THOC6: variants seen among roughly 807,000 people sequenced by gnomAD.
THOC6 encodes the protein THO complex subunit 6, also known as THO complex 6.
THOC6 carries 39 observed loss-of-function variants against 55.8 expected under a neutral mutation model. The ratio of observed to expected loss-of-function variants is 0.70; its 90% CI spans 0.54 to 0.91. The LOEUF (loss-of-function observed/expected upper bound fraction) is 0.91, where lower values mean the gene tolerates loss of function less well. Ranked by LOEUF, THOC6 falls within the 40% of genes least tolerant of loss-of-function variation. The pLI is 0.00. For missense variants in THOC6, 482 were observed against 442.0 expected (o/e 1.09, Z -0.81); for synonymous variants, 192 against 175.6 (o/e 1.09, Z -0.74).
rs1394510612 is a variant in THOC6 at position 3,024,194 on chromosome 16, G to A, written c.-133G>A. On this transcript the variant is annotated 5_prime_UTR_variant, in exon 1 of 13. Coordinates refer to ENST00000326266, the MANE Select transcript of THOC6 (RefSeq NM_024339.5). ...CGCGGCGCTCACCTCGGCTCCTAGGGTTCGGGACGGTACGCACCAGCCACC... is the reference window on the plus strand; with the variant it reads ...CGCGGCGCTCACCTCGGCTCCTAGGATTCGGGACGGTACGCACCAGCCACC... 2 of 1,137,424 alleles carry A rather than the reference G, an allele frequency of 1.8e-6. No homozygotes were observed. Among genetic ancestry groups the A allele is most frequent in the East Asian group, 2.5e-5 (1 of 39,600 alleles). The allele number at this position is 1,137,424 out of a possible 1,614,324, so 70.5% of individuals were successfully genotyped here. A position where few individuals can be genotyped will look rare whatever the true frequency, so the allele number is the denominator to read the frequency against.
chr16:3,025,611 G>T (rs1242563250), intron 1 of THOC6, 97 bp from the exon 2 acceptor site: 1 of 1,139,822 alleles, frequency 8.8e-7, no homozygotes, highest in Non-Finnish European at 1.3e-6. Flanking sequence ...AGTCAGGACA[G>T]TGGGAGGCCT....
chr16:3,027,416 G>C lies in THOC6; in HGVS notation c.861G>C (p.Gly287=), dbSNP rs771721050. Residue 287 remains glycine, a synonymous_variant, in exon 12 of 13, where the codon GGG becomes GGC. Transcript: ENST00000326266. ...GCGTCAACCAGTGGCAGCTGAGCGG[G>C]GAGCTGAAGGCCCAGGTGCCTGGCT... The part of the protein sequence containing the change: ...GRCVNQWQLS[G]ELKAQVPGSS... 8.7e-6 allele frequency: 14 copies of C among 1,612,224 alleles called. 1 individual carries two copies. In the South Asian group the frequency reaches 1.1e-4, roughly 13 times the overall value.
Position 3,027,213 on chromosome 16 carries a change from C to A in THOC6, c.743C>A (p.Ser248Tyr). 1 of 1,614,150 alleles carries A rather than the reference C, an allele frequency of 6.2e-7. No individual in the cohort carries two copies. Among genetic ancestry groups the A allele is most frequent in the Non-Finnish European group, 8.5e-7 (1 of 1,180,032 alleles). Residue 248 changes from serine to tyrosine, a missense_variant, in exon 11 of 13, where the codon TCC (serine) becomes TAC (tyrosine). Physicochemically the swap from Ser to Tyr is moderately radical, Grantham distance 144. Coordinates refer to ENST00000326266, the MANE Select transcript of THOC6 (RefSeq NM_024339.5). ...GPALTLWHLR[S>Y]STPTTIFPIR... ...GCCCTCACCCTCTGGCACCTCCGAT[C>A]CTCCACACCCACCACCATCTTCCCC...
chr16:3,027,706 TTTC>T lies in THOC6; in HGVS notation c.*52_*54del, dbSNP rs371473002. 37 of 1,497,534 alleles carry T rather than the reference TTTC, an allele frequency of 2.5e-5. No homozygotes were observed. The highest frequency in any genetic ancestry group is 2.0e-4 in the Admixed American group (8 of 40,840). The allele number at this position is 1,497,534 out of a possible 1,614,324, so 92.8% of individuals were successfully genotyped here. On this transcript the variant is annotated 3_prime_UTR_variant, in exon 13 of 13. Coordinates refer to ENST00000326266, the MANE Select transcript of THOC6 (RefSeq NM_024339.5). ...CTCAGGGTTTTAGAGTGTTTTTCAT[TTTC>T]TTTTTTTTTTTTTTTTTACAATAAA...
rs189651395 is a variant in THOC6 at position 3,025,231 on chromosome 16, T to C, written c.40-477T>C. ...TGCTGGGATTACAGGCGTGAGCCAC[T>C]GCGCCCGGCCCCACATTTTTAAATT... On this transcript the variant is annotated intron_variant, in intron 1 of 12. Transcript: ENST00000326266. Among the ~76,000 whole-genome samples, 521 of 151,944 alleles carry C rather than the reference T, an allele frequency of 3.4e-3. 6 individuals are homozygous for C. Among genetic ancestry groups the C allele is most frequent in the Non-Finnish European group, 4.7e-3 (320 of 67,932 alleles).
In THOC6 at chr16:3,026,603, G is replaced by A; in HGVS notation, c.483+16G>A. ...GACTTTCACGGTGAGCAGGGTCCTGGAGCCCTAGAGCAGGTCTAGGTCAGG... is the reference window on the plus strand; with the variant it reads ...GACTTTCACGGTGAGCAGGGTCCTGAAGCCCTAGAGCAGGTCTAGGTCAGG... On this transcript the variant is annotated intron_variant, in intron 7 of 12. Transcript: ENST00000326266. 2 of 1,613,686 alleles carry A rather than the reference G, an allele frequency of 1.2e-6. No homozygotes were observed. The highest frequency in any genetic ancestry group is 1.7e-6 in the Non-Finnish European group (2 of 1,179,820).
chr16:3,024,230 A>G lies in THOC6; in HGVS notation c.-97A>G. On this transcript the variant is annotated 5_prime_UTR_variant, in exon 1 of 13. Coordinates refer to ENST00000326266, the MANE Select transcript of THOC6 (RefSeq NM_024339.5). ...TACGCACCAGCCACCTTCGCGCCGA[A>G]GGCGGTAGGGCGCCACGGAGAGGAA... The G allele has an allele frequency of 6.6e-7, 1 of 1,516,688 alleles. No individual in the cohort carries two copies. The highest frequency in any genetic ancestry group is 9.1e-7 in the Non-Finnish European group (1 of 1,098,592). The allele number at this position is 1,516,688 out of a possible 1,614,324, so 94.0% of individuals were successfully genotyped here.
At chr16:3,025,686 C>G in intron 1 of THOC6, 22 bp from the exon 2 acceptor site, 1 of 1,606,878 alleles carries the variant, frequency 6.2e-7, no homozygotes, top group Non-Finnish European at 8.5e-7. Context: ...CCAGGCAGGC[C>G]TCATCCAGTC....
chr16:3,025,998 C>G lies in THOC6; in HGVS notation c.220+10C>G, dbSNP rs2245000. 0.59 allele frequency: 959,734 copies of G among 1,613,914 alleles called. 288,820 individuals are homozygous for G. The highest frequency in any genetic ancestry group is 0.75 in the African/African-American group (56,073 of 74,952). ...GTGGTGACTTTCCAAGGTGGGTATA[C>G]CTGTGGAGTCTGGCTTCAGGACTTT... On this transcript the variant is annotated intron_variant, in intron 3 of 12. Transcript: ENST00000326266.
At chr16:3,025,675 C>T (rs1029621903) in intron 1 of THOC6, 33 bp from the exon 2 acceptor site, 3 of 1,595,994 alleles carry the variant, frequency 1.9e-6, no homozygotes, top group African/African-American at 2.7e-5. Flanking sequence ...TTTCATACGT[C>T]CCAGGCAGGC....
Position 3,026,057 on chromosome 16 carries a change from C to T in THOC6, c.221-6C>T. The stretch of plus-strand genomic sequence containing the variant: ...TTGGCTCACTCAGTTCTGCATTTCT[C>T]TTTAGCCCATGATGGGCCCGTCTAT... On this transcript the variant is annotated splice_polypyrimidine_tract_variant and splice_region_variant and intron_variant, in intron 3 of 12. Coordinates refer to ENST00000326266, the MANE Select transcript of THOC6 (RefSeq NM_024339.5). 1.9e-6 allele frequency: 3 copies of T among 1,613,162 alleles called. No homozygotes were observed. The highest frequency in any genetic ancestry group is 2.5e-6 in the Non-Finnish European group (3 of 1,179,212).
At position 3,026,922 on chromosome 16, in the gene THOC6, G is replaced by A. The variant is rs371389733; in HGVS notation, c.636+6G>A. 4 of 1,614,068 alleles carry A rather than the reference G, an allele frequency of 2.5e-6. No homozygotes were observed. The highest frequency in any genetic ancestry group is 1.3e-5 in the African/African-American group (1 of 74,912). On this transcript the variant is annotated splice_donor_region_variant and intron_variant, in intron 9 of 12. Transcript: ENST00000326266. ...TCGAGGTCTATAAGCACGAGGTGAG[G>A]GTGTGACCGTGGCCATTGTCCTCTT... is the stretch of plus-strand genomic sequence containing the variant.
At position 3,024,170 on chromosome 16, in the gene THOC6, GC is replaced by G; in HGVS notation, c.-156del. Reference sequence around the variant, plus strand: ...CCACTTCTTAATGTCGGGGGTCTTCGCGGCGCTCACCTCGGCTCCTAGGGTT... The same window carrying G: ...CCACTTCTTAATGTCGGGGGTCTTCGGGCGCTCACCTCGGCTCCTAGGGTT... On this transcript the variant is annotated 5_prime_UTR_variant, in exon 1 of 13. An upstream open reading frame in the 5' UTR loses its in-frame stop. Transcript: ENST00000326266. 2 of 886,870 alleles carry G rather than the reference GC, an allele frequency of 2.3e-6. No homozygotes were observed. The highest frequency in any genetic ancestry group is 3.5e-6 in the Non-Finnish European group (2 of 571,026). 54.9% of individuals were successfully genotyped at this position (886,870 alleles called of 1,614,324 possible).
intron 1 of THOC6, among the ~76,000 whole-genome samples, chr16:3,025,222 G>T (rs945938416): frequency 6.6e-6 from 1 of 152,152 alleles, no homozygotes; most frequent in African/African-American, 2.4e-5. Context: ...GATTACAGGC[G>T]TGAGCCACTG....
chr16:3,024,462 C>A, intron 1 of THOC6, 97 bp downstream of exon 1: 1 of 1,499,276 alleles, frequency 6.7e-7, no homozygotes, highest in Non-Finnish European at 9.3e-7. Context: ...CCCTGTTTTG[C>A]CTGGGCTATT....
rs972505568 is a variant in THOC6, at chr16:3,024,228, G to C, written c.-99G>C. 9 of 1,511,208 alleles carry C rather than the reference G, an allele frequency of 6.0e-6. No individual in the cohort carries two copies. Among genetic ancestry groups the C allele is most frequent in the Non-Finnish European group, 7.3e-6 (8 of 1,094,796 alleles). The allele number at this position is 1,511,208 out of a possible 1,614,324, so 93.6% of individuals were successfully genotyped here. On this transcript the variant is annotated 5_prime_UTR_variant, in exon 1 of 13. Coordinates refer to ENST00000326266, the MANE Select transcript of THOC6 (RefSeq NM_024339.5). ...GGTACGCACCAGCCACCTTCGCGCCGAAGGCGGTAGGGCGCCACGGAGAGG... is the reference window on the plus strand; with the variant it reads ...GGTACGCACCAGCCACCTTCGCGCCCAAGGCGGTAGGGCGCCACGGAGAGG...
At position 3,025,806 on chromosome 16, in the gene THOC6, G is replaced by T. The variant is rs557982152; in HGVS notation, c.138G>T (p.Gly46=). The T allele has an allele frequency of 3.1e-6, 5 of 1,614,106 alleles. No homozygotes were observed. Among genetic ancestry groups the T allele is most frequent in the Non-Finnish European group, 4.2e-6 (5 of 1,180,056 alleles). ...TTCTGGCGGCTGGCAACAATTACGG[G>T]CAGATTGCCATCTTCAGGTACCCTC... is the stretch of plus-strand genomic sequence containing the variant. The part of the protein sequence containing the change: ...GKFLAAGNNY[G]QIAIFSLSSA... The change falls in exon 2 of 13, where the codon GGG becomes GGT. Residue 46 remains glycine (G), a synonymous_variant. Coordinates refer to ENST00000326266, the MANE Select transcript of THOC6 (RefSeq NM_024339.5).
rs2072840293 is a variant in THOC6, at chr16:3,027,724, T to C, written c.*67T>C. 7.0e-7 allele frequency: 1 copy of C among 1,432,440 alleles called. No homozygotes were observed. The highest frequency in any genetic ancestry group is 1.3e-5 in the South Asian group (1 of 76,352). The allele number at this position is 1,432,440 out of a possible 1,614,324, so 88.7% of individuals were successfully genotyped here. On this transcript the variant is annotated 3_prime_UTR_variant, in exon 13 of 13. Transcript: ENST00000326266. ...TTTTCATTTTCTTTTTTTTTTTTTT[T>C]TTACAATAAAGTTTCAGGCTTTTTT...
chr16:3,024,301 G>C lies in THOC6; in HGVS notation c.-26G>C, dbSNP rs766899096. The C allele has an allele frequency of 6.2e-7, 1 of 1,614,002 alleles. No homozygotes were observed. Among genetic ancestry groups the C allele is most frequent in the African/African-American group, 1.3e-5 (1 of 74,942 alleles). On this transcript the variant is annotated 5_prime_UTR_variant, in exon 1 of 13. Coordinates refer to ENST00000326266, the MANE Select transcript of THOC6 (RefSeq NM_024339.5). ...CTCGTGAGGTTGCGTCGCGCGCGGA[G>C]CACTCTGGGACTTGTAGTTCTGGAG... is the stretch of plus-strand genomic sequence containing the variant.
Sources: gnomAD v4.1 joint callset for allele counts (sites outside exome capture counted in the v4.1 genomes callset) on GRCh38, gnomAD v4.1.1 for gene constraint, MANE v1.5 for transcripts, NCBI Gene and HGNC (gene_info 2026-07-23, HGNC 2026-07-21) for gene names.